Variants in DIAPH2 observed in about 807,000 individuals in gnomAD.
DIAPH2 encodes diaphanous related formin 2.
In DIAPH2, 35 loss-of-function variants were observed where a neutral mutation model predicts 92.7. The ratio of observed to expected loss-of-function variants is 0.38; its 90% CI spans 0.29 to 0.50. DIAPH2 has a LOEUF of 0.50. Ranked by LOEUF, DIAPH2 falls within the 20% of genes least tolerant of loss-of-function variation. The pLI is 0.94. For missense variants in DIAPH2, 701 were observed against 819.5 expected, an observed-to-expected ratio of 0.86 and a Z score of 1.77; for synonymous variants, 301 against 280.4, an observed-to-expected ratio of 1.07 and a Z score of -0.73.
chrX:96,868,266 A>G (rs1453797104), intron 4 of DIAPH2, among the ~76,000 whole-genome samples: 1 of 112,409 alleles, frequency 8.9e-6, no homozygotes, highest in East Asian at 2.8e-4. Context: ...GAATATATGG[A>G]TGCTGAGACT....
intron 17 of DIAPH2, among the ~76,000 whole-genome samples, chrX:97,027,592 G>A (rs956108011): frequency 8.9e-6 from 1 of 112,078 alleles, no homozygotes; most frequent in African/African-American, 3.2e-5. Flanking sequence ...ACTGCAGCTG[G>A]GCTATTGTCT....
chrX:97,592,571 C>A (rs2071524956), intron 26 of DIAPH2, among the ~76,000 whole-genome samples: 1 of 111,997 alleles, frequency 8.9e-6, no homozygotes, highest in South Asian at 3.7e-4. Context: ...TCTAGCAGAT[C>A]TACATCCCTA....
intron 1 of DIAPH2, among the ~76,000 whole-genome samples, chrX:96,688,181 A>G (rs564927882): frequency 1.8e-5 from 2 of 111,957 alleles, no homozygotes; most frequent in South Asian, 3.7e-4. Flanking sequence ...GTGACCTAAC[A>G]GTATTTGATG....
intron 22 of DIAPH2, among the ~76,000 whole-genome samples, chrX:97,195,233 G>A (rs1029760154): frequency 1.5e-4 from 17 of 112,144 alleles, no homozygotes; most frequent in African/African-American, 5.5e-4. Flanking sequence ...AAAATATATT[G>A]TATAATCATA....
chrX:97,099,012 T>C (rs1003401588), intron 19 of DIAPH2, among the ~76,000 whole-genome samples: 4 of 112,295 alleles, frequency 3.6e-5, no homozygotes, highest in Non-Finnish European at 5.6e-5. Flanking sequence ...AGGTGTAATT[T>C]ATAAGATTGA....
intron 23 of DIAPH2, among the ~76,000 whole-genome samples, chrX:97,331,676 A>G (rs777757896): frequency 9.8e-5 from 11 of 112,429 alleles, no homozygotes; most frequent in South Asian, 3.7e-4. Flanking sequence ...GAAGTATTAT[A>G]TTAAAGTACT....
chrX:97,392,899 A>G (rs2069672785), intron 25 of DIAPH2, among the ~76,000 whole-genome samples: 2 of 111,493 alleles, frequency 1.8e-5, no homozygotes, highest in Middle Eastern at 4.6e-3. Context: ...CCAGTCCCTG[A>G]TAGTTAAATG....
chrX:97,508,625 A>G (rs1460495384), intron 26 of DIAPH2, among the ~76,000 whole-genome samples: 2 of 112,023 alleles, frequency 1.8e-5, no homozygotes, highest in South Asian at 3.7e-4. Flanking sequence ...TCATTCCCTA[A>G]TATCTGTGGT....
intron 24 of DIAPH2, among the ~76,000 whole-genome samples, chrX:97,364,884 A>G (rs1449629524): frequency 1.9e-5 from 2 of 108,072 alleles, no homozygotes; most frequent in Non-Finnish European, 3.8e-5. Flanking sequence ...TGGCTCCTAC[A>G]CTTTCCTGAG....
chrX:96,779,844 C>A (rs1163344041), intron 4 of DIAPH2, among the ~76,000 whole-genome samples: 1 of 112,298 alleles, frequency 8.9e-6, no homozygotes, highest in Non-Finnish European at 1.9e-5. Context: ...AAGCTGTTCA[C>A]CTTAGGCTTT....
chrX:97,290,074 A>AATATATATATATAT (rs374540988), intron 23 of DIAPH2, among the ~76,000 whole-genome samples: 3 of 95,137 alleles, frequency 3.2e-5, no homozygotes, highest in African/African-American at 1.1e-4. Context: ...CAGTAATTTA[A>AATATATATATATAT]ATATATATAT....
intron 4 of DIAPH2, among the ~76,000 whole-genome samples, chrX:96,874,826 G>A (rs2065167994): frequency 9.0e-6 from 1 of 111,413 alleles, no homozygotes; most frequent in Non-Finnish European, 1.9e-5. Context: ...TACTCTATTG[G>A]TTAAATATGT....
At chrX:96,843,965 A>C (rs981593895) in intron 4 of DIAPH2, among the ~76,000 whole-genome samples, 2 of 112,489 alleles carry the variant, frequency 1.8e-5, no homozygotes, top group African/African-American at 6.4e-5. Context: ...GAAAACTAGC[A>C]TAAATTGAGT....
chrX:97,012,956 A>T (rs1377901087), intron 17 of DIAPH2, among the ~76,000 whole-genome samples: 1 of 111,903 alleles, frequency 8.9e-6, no homozygotes, highest in East Asian at 2.8e-4. Context: ...CACTTTTTAT[A>T]TTCTTTTCCT....
chrX:97,243,620 T>A (rs1257678814), intron 22 of DIAPH2, among the ~76,000 whole-genome samples: 1 of 111,836 alleles, frequency 8.9e-6, no homozygotes, highest in Non-Finnish European at 1.9e-5. Context: ...ATATAAATAA[T>A]CCATTAGAGG....
chrX:97,400,020 G>A (rs2069740067), intron 25 of DIAPH2, among the ~76,000 whole-genome samples: 1 of 112,048 alleles, frequency 8.9e-6, no homozygotes, highest in Non-Finnish European at 1.9e-5. Context: ...AGAGTGGTAG[G>A]AAAGCACACA....
intron 24 of DIAPH2, among the ~76,000 whole-genome samples, chrX:97,371,111 G>C (rs1205675203): frequency 9.0e-6 from 1 of 111,728 alleles, no homozygotes; most frequent in African/African-American, 3.2e-5. Flanking sequence ...AGGTGAGGAT[G>C]GAGAAGTCTA....
At chrX:96,904,964 C>A (rs1343210902) in intron 5 of DIAPH2, among the ~76,000 whole-genome samples, 2 of 111,258 alleles carry the variant, frequency 1.8e-5, no homozygotes, top group African/African-American at 6.5e-5. Context: ...ATTTGATGTT[C>A]CAGTGATTCA....
At chrX:96,966,295 T>C (rs759967723) in intron 17 of DIAPH2, among the ~76,000 whole-genome samples, 2 of 111,845 alleles carry the variant, frequency 1.8e-5, no homozygotes, top group African/African-American at 6.5e-5. Flanking sequence ...ATTTAAAGAA[T>C]TTTTCAATGA....
Sources: gnomAD v4.1 joint callset for allele counts (sites outside exome capture counted in the v4.1 genomes callset) on GRCh38, gnomAD v4.1.1 for gene constraint, MANE v1.5 for transcripts, NCBI Gene and HGNC (gene_info 2026-07-23, HGNC 2026-07-21) for gene names.